SPATA22: variants seen among roughly 807,000 people sequenced by gnomAD.
The protein encoded by SPATA22 is spermatogenesis associated 22.
A neutral mutation model predicts 47.8 loss-of-function variants in SPATA22; 29 were observed. The ratio of observed to expected loss-of-function variants is 0.61; its 90% CI spans 0.45 to 0.83. SPATA22 has a LOEUF of 0.83. Ranked by LOEUF, SPATA22 falls within the 40% of genes least tolerant of loss-of-function variation. SPATA22 has a pLI of 0.00. For synonymous variants in SPATA22, 133 were observed against 140.9 expected (o/e 0.94, Z 0.40); for missense variants, 410 against 421.7 (o/e 0.97, Z 0.24).
At chr17:3,487,836 T>C (rs1029032408) in intron 1 of SPATA22, among the ~76,000 whole-genome samples, 8 of 152,118 alleles carry the variant, frequency 5.3e-5, no homozygotes, top group Non-Finnish European at 7.4e-5. Context: ...GAAAGTGAAA[T>C]GGATTTGGGG....
chr17:3,462,769 T>C lies in SPATA22; in HGVS notation c.173-2A>G, dbSNP rs200195363. On this transcript the variant is annotated splice_acceptor_variant, in intron 3 of 8. Coordinates refer to ENST00000572969, the MANE Select transcript of SPATA22 (RefSeq NM_001170698.2). LOFTEE classifies it high-confidence loss of function. ...GATTCACAGCTTCCCAGGCCCAATC[T>C]CAAAAGATATAAGTAACATAGATAA... 126 of 1,606,234 alleles carry C rather than the reference T, an allele frequency of 7.8e-5. No homozygotes were observed. Among genetic ancestry groups the C allele is most frequent in the Admixed American group, 2.3e-4 (14 of 59,984 alleles).
chr17:3,506,384 T>A (rs1283463580), intron 1 of SPATA22, among the ~76,000 whole-genome samples: 1 of 152,052 alleles, frequency 6.6e-6, no homozygotes, highest in Non-Finnish European at 1.5e-5. Flanking sequence ...GTTTCCCCCA[T>A]TCTGCCAAGA....
chr17:3,464,285 A>G (rs1253189675), intron 3 of SPATA22, among the ~76,000 whole-genome samples: 1 of 151,174 alleles, frequency 6.6e-6, no homozygotes, highest in Non-Finnish European at 1.5e-5. Flanking sequence ...CTCAGTGCTC[A>G]ATGGTGCCCA....
At chr17:3,461,009 A>G (rs2171582) in intron 5 of SPATA22, among the ~76,000 whole-genome samples, 92,368 of 151,834 alleles carry the variant, frequency 0.61, 29,049 homozygotes, top group Non-Finnish European at 0.69. Context: ...TTGATAATGT[A>G]TCTAATAACA....
Position 3,481,799 on chromosome 17 carries a change from G to A in SPATA22, c.-73-12401C>T. 1 of 1,590,380 alleles carries A rather than the reference G, an allele frequency of 6.3e-7. No individual in the cohort carries two copies. Among genetic ancestry groups the A allele is most frequent in the Non-Finnish European group, 8.6e-7 (1 of 1,162,794 alleles). On this transcript the variant is annotated intron_variant, in intron 1 of 8. Coordinates refer to the SPATA22 transcript ENST00000541913. ...AATTCAGATGTTTCATTACATTAAG[G>A]TAATGTTAATGTTATTAATTTATAA...
chr17:3,467,770 A>T (rs1010031844), intron 2 of SPATA22, among the ~76,000 whole-genome samples: 1 of 152,140 alleles, frequency 6.6e-6, no homozygotes, highest in Non-Finnish European at 1.5e-5. Flanking sequence ...TTCTACTCTA[A>T]CAGTTTTAAT....
intron 1 of SPATA22, chr17:3,481,779 A>G (rs767569199): frequency 6.2e-7 from 1 of 1,609,454 alleles, no homozygotes; most frequent in Non-Finnish European, 8.5e-7. Flanking sequence ...TTTTTAATTC[A>G]GATGTTTCAT....
rs1254935744 is a variant in SPATA22 at position 3,498,926 on chromosome 17, CAT to C, written c.-74+14484_-74+14485del. On this transcript the variant is annotated intron_variant, in intron 1 of 8. Transcript: ENST00000541913. Reference sequence around the variant, plus strand: ...GGAAACCACTGCATCCTGGGGATCCCATGTTTTTAACTCTTGATGGGAAGACG... The same window carrying C: ...GGAAACCACTGCATCCTGGGGATCCCGTTTTTAACTCTTGATGGGAAGACG... 1 of 1,607,430 alleles carries C rather than the reference CAT, an allele frequency of 6.2e-7. No individual in the cohort carries two copies. The highest frequency in any genetic ancestry group is 8.5e-7 in the Non-Finnish European group (1 of 1,175,968).
At chr17:3,458,014 A>T (rs2073035494) in intron 5 of SPATA22, among the ~76,000 whole-genome samples, 1 of 152,248 alleles carries the variant, frequency 6.6e-6, no homozygotes, top group Admixed American at 6.5e-5. Context: ...CAGTAAAGGA[A>T]ATAATCAACA....
At chr17:3,499,239 T>G in intron 1 of SPATA22, 1 of 620,770 alleles carries the variant, frequency 1.6e-6, no homozygotes, top group South Asian at 2.6e-5. Flanking sequence ...TTTCTTAAAT[T>G]AATTAATATA....
chr17:3,483,698 T>TG, intron 1 of SPATA22: 5 of 1,137,328 alleles, frequency 4.4e-6, no homozygotes, highest in Non-Finnish European at 5.2e-6. Context: ...AGTCTTGCTC[T>TG]GTCACCCAGG....
chr17:3,480,745 G>A (rs568261378), intron 1 of SPATA22, among the ~76,000 whole-genome samples: 9 of 152,196 alleles, frequency 5.9e-5, no homozygotes, highest in East Asian at 1.9e-4. Context: ...GGAAAGGGCT[G>A]TTATCATCTT....
At chr17:3,457,745 G>C (rs374023896) in intron 5 of SPATA22, among the ~76,000 whole-genome samples, 3 of 152,278 alleles carry the variant, frequency 2.0e-5, no homozygotes, top group African/African-American at 2.4e-5. Flanking sequence ...GCCATAAATA[G>C]TGTTGGAAAA....
upstream of SPATA22, chr17:3,476,034 AG>A (rs1410439886): frequency 2.3e-6 from 2 of 864,984 alleles, no homozygotes; most frequent in Non-Finnish European, 1.8e-6. Context: ...ACTCCACTCA[AG>A]GGAATTCTGT....
In SPATA22 at chr17:3,488,443, G is replaced by A. The variant is rs970344525; in HGVS notation, c.-73-19045C>T. On this transcript the variant is annotated intron_variant, in intron 1 of 8. Transcript: ENST00000541913. The surrounding 1 kb of genome is among the most constrained non-coding windows in gnomAD (Gnocchi z 6.1). ...AAGCCGAGAAGGGCAGATTACCTGC[G>A]GTCAGGAGTTTGAGACCAGCCTGAC... is the stretch of plus-strand genomic sequence containing the variant. 6.6e-6 allele frequency among the ~76,000 whole-genome samples: 1 copy of A among 152,124 alleles called. No individual in the cohort carries two copies. The highest frequency in any genetic ancestry group is 1.5e-5 in the Non-Finnish European group (1 of 68,024).
Position 3,488,818 on chromosome 17 carries a change from C to T in SPATA22, c.-73-19420G>A, listed in dbSNP as rs1023313553. ...CTGTGAAATCTATAAAAATAGATGT[C>T]CTTCCTCCCGTCACAGCTAAATGTT... On this transcript the variant is annotated intron_variant, in intron 1 of 8. Transcript: ENST00000541913. This position sits in a 1 kb window ranked among gnomAD's most constrained non-coding sequence, Gnocchi z 6.1. Among the ~76,000 whole-genome samples, 5 of 152,164 alleles carry T rather than the reference C, an allele frequency of 3.3e-5. No individual in the cohort carries two copies. Among genetic ancestry groups the T allele is most frequent in the African/African-American group, 1.2e-4 (5 of 41,426 alleles).
At position 3,461,489 on chromosome 17, in the gene SPATA22, A is replaced by C. The variant is rs187963245; in HGVS notation, c.329+994T>G. Among the ~76,000 whole-genome samples the C allele has an allele frequency of 5.1e-4, 77 of 152,290 alleles. 1 individual carries two copies. The highest frequency in any genetic ancestry group is 4.5e-3 in the Admixed American group (69 of 15,294). ...AATTATCTGTCTAATGCTTGTCAGA[A>C]TGGATTTTCTTCTAGCTCCTGCAGT... On this transcript the variant is annotated intron_variant, in intron 5 of 8. Coordinates refer to ENST00000572969, the MANE Select transcript of SPATA22 (RefSeq NM_001170698.2).
At chr17:3,471,385 T>A in intron 1 of SPATA22, 1 of 975,734 alleles carries the variant, frequency 1.0e-6, no homozygotes, top group Non-Finnish European at 1.2e-6. Context: ...AGTGTAACAT[T>A]CCACCCGCGG....
Position 3,471,667 on chromosome 17 carries a change from T to C in SPATA22, c.-74+15A>G. On this transcript the variant is annotated intron_variant, in intron 1 of 8. Transcript: ENST00000572969. Reference sequence around the variant, plus strand: ...GACCCGCCCACGGAGTGGGGGCAGTTTGGTATCAACGCACAGTCTTTCCCT... The same window carrying C: ...GACCCGCCCACGGAGTGGGGGCAGTCTGGTATCAACGCACAGTCTTTCCCT... The C allele has an allele frequency of 1.0e-6, 1 of 982,276 alleles. No homozygotes were observed. Among genetic ancestry groups the C allele is most frequent in the South Asian group, 4.7e-5 (1 of 21,182 alleles). The allele number at this position is 982,276 out of a possible 1,614,324, so 60.8% of individuals were successfully genotyped here. A position where few individuals can be genotyped will look rare whatever the true frequency, so the allele number is the denominator to read the frequency against.
Sources: gnomAD v4.1 joint callset for allele counts (sites outside exome capture counted in the v4.1 genomes callset) on GRCh38, gnomAD v4.1.1 for gene constraint, Gnocchi (gnomAD v3.1) non-coding constraint, MANE v1.5 for transcripts, NCBI Gene and HGNC (gene_info 2026-07-23, HGNC 2026-07-21) for gene names.